MCF2: variants seen among roughly 807,000 people sequenced by gnomAD.
MCF2 encodes the protein proto-oncogene DBL.
MCF2 carries 44 observed loss-of-function variants against 82.5 expected under a neutral mutation model. That is an observed-to-expected ratio of 0.53 (90% CI 0.42 to 0.69). The LOEUF is 0.69. Among genes scored for constraint, MCF2 ranks in the 30% least tolerant of loss-of-function variants. The probability of loss-of-function intolerance (pLI) is 0.00; values close to 1 mark genes in which losing one functional copy is unlikely to be tolerated. For synonymous variants in MCF2, 217 were observed against 224.9 expected, an observed-to-expected ratio of 0.96 and a Z score of 0.32; for missense variants, 623 against 663.1, an observed-to-expected ratio of 0.94 and a Z score of 0.66.
chrX:139,594,756 C>T (rs1160207389), intron 19 of MCF2, among the ~76,000 whole-genome samples: 1 of 109,180 alleles, frequency 9.2e-6, no homozygotes, highest in East Asian at 2.9e-4. Flanking sequence ...AGCTTCTGCA[C>T]AGCAAAAGAA....
chrX:139,676,758 T>C (rs1443540971), intron 1 of MCF2, among the ~76,000 whole-genome samples: 1 of 112,147 alleles, frequency 8.9e-6, no homozygotes, highest in Non-Finnish European at 1.9e-5. Flanking sequence ...GCCATTGTTA[T>C]AAAGAAAAAA....
intron 21 of MCF2, 29 bp from the exon 26 acceptor site, chrX:139,587,817 T>C: frequency 1.0e-6 from 1 of 982,408 alleles, no homozygotes; most frequent in East Asian, 3.1e-5. Flanking sequence ...CATATTATCA[T>C]TCAGAAGTCA....
At chrX:139,653,759 T>C (rs1192886575) in intron 1 of MCF2, among the ~76,000 whole-genome samples, 1 of 111,333 alleles carries the variant, frequency 9.0e-6, no homozygotes, top group African/African-American at 3.3e-5. Flanking sequence ...TCAGTGGTAA[T>C]AAATATATTT....
intron 1 of MCF2, among the ~76,000 whole-genome samples, chrX:139,654,741 C>CCCAACATT (rs1282600877): frequency 9.0e-6 from 1 of 111,003 alleles, no homozygotes; most frequent in Non-Finnish European, 1.9e-5. Flanking sequence ...GGAAAGTTTC[C>CCCAACATT]CCAACATTTT....
chrX:139,638,524 C>T (rs754234508), intron 1 of MCF2, among the ~76,000 whole-genome samples: 1 of 111,568 alleles, frequency 9.0e-6, no homozygotes, highest in Non-Finnish European at 1.9e-5. Context: ...GCAGAGGGCA[C>T]TCATAAGTCA....
intron 6 of MCF2, among the ~76,000 whole-genome samples, chrX:139,623,568 C>G (rs1218987502): frequency 9.0e-6 from 1 of 111,214 alleles, no homozygotes; most frequent in African/African-American, 3.3e-5. Flanking sequence ...ATGCTGGAGA[C>G]TACCAAAAGG....
At chrX:139,677,136 G>A (rs192115359) in intron 1 of MCF2, among the ~76,000 whole-genome samples, 91 of 111,556 alleles carry the variant, frequency 8.2e-4, no homozygotes, top group African/African-American at 2.5e-3. Context: ...GACTGGTAAG[G>A]GAAGAATGCC....
chrX:139,646,768 A>C, upstream of MCF2: 1 of 889,388 alleles, frequency 1.1e-6, no homozygotes. Context: ...GAATTGAAAA[A>C]AATGTAATGA....
intron 24 of MCF2, among the ~76,000 whole-genome samples, chrX:139,584,809 G>T (rs1336613132): frequency 9.0e-6 from 1 of 111,666 alleles, no homozygotes; most frequent in African/African-American, 3.3e-5. Flanking sequence ...AGATAAAACT[G>T]GGATTTTAGA....
At chrX:139,619,522 C>T (rs1932174421) in intron 7 of MCF2, 65 bp downstream of exon 10, 1 of 846,408 alleles carries the variant, frequency 1.2e-6, no homozygotes, top group Non-Finnish European at 1.6e-6. Context: ...TTTATACTAC[C>T]TACTCCCGCC....
At position 139,607,528 on chromosome X, in the gene MCF2, C is replaced by T. The variant is rs772928677; in HGVS notation, c.1490+163G>A. ...AGTTTAGTTAATTTTCTTCAAATCA[C>T]ATAAATAGGCTATAGGTTGGCCAGG... On this transcript the variant is annotated intron_variant, in intron 12 of 24. Coordinates refer to ENST00000370576, the Ensembl canonical transcript of MCF2. 393 of 295,036 alleles carry T rather than the reference C, an allele frequency of 1.3e-3. 4 individuals are homozygous for T. The East Asian group carries it at 0.02, about 15-fold the overall frequency. The allele number at this position is 295,036 out of a possible 1,213,427, so 24.3% of individuals were successfully genotyped here.
At chrX:139,584,003 C>T (rs374078560) in intron 24 of MCF2, among the ~76,000 whole-genome samples, 33 of 110,490 alleles carry the variant, frequency 3.0e-4, no homozygotes, top group Admixed American at 6.8e-4. Flanking sequence ...ATTTGGGAAA[C>T]GGTAAACTAT....
At chrX:139,651,042 A>C (rs982975377) in intron 2 of MCF2, among the ~76,000 whole-genome samples, 2 of 110,611 alleles carry the variant, frequency 1.8e-5, no homozygotes, top group African/African-American at 6.7e-5. Flanking sequence ...AAGGAATGAA[A>C]CGGGGAGTAA....
At chrX:139,597,338 C>G in intron 18 of MCF2, 122 bp downstream of exon 22, 2 of 555,402 alleles carry the variant, frequency 3.6e-6, no homozygotes, top group Non-Finnish European at 6.1e-6. Context: ...GTAGTAACAT[C>G]AACATTTTGA....
intron 16 of MCF2, among the ~76,000 whole-genome samples, chrX:139,601,572 TG>T (rs1930556487): frequency 1.8e-5 from 2 of 111,677 alleles, no homozygotes; most frequent in Non-Finnish European, 3.8e-5. Context: ...TTTTATGTAC[TG>T]TGTACACTTT....
intron 1 of MCF2, among the ~76,000 whole-genome samples, chrX:139,689,883 T>C (rs1010806767): frequency 9.0e-6 from 1 of 111,615 alleles, no homozygotes; most frequent in African/African-American, 3.3e-5. Context: ...TGTAGTATAA[T>C]TTCTGGGCCT....
chrX:139,695,277 G>A (rs369704222), intron 1 of MCF2, among the ~76,000 whole-genome samples: 18 of 111,305 alleles, frequency 1.6e-4, no homozygotes, highest in African/African-American at 5.5e-4. Flanking sequence ...TGATCTGCCC[G>A]CCTCGGCCTC....
chrX:139,602,214 G>A (rs1930608149), intron 16 of MCF2, among the ~76,000 whole-genome samples, 192 bp downstream of exon 20: 1 of 110,958 alleles, frequency 9.0e-6, no homozygotes, highest in South Asian at 3.9e-4. Flanking sequence ...GTAGCTAAAA[G>A]TGCTGAAAGT....
At chrX:139,643,549 T>G (rs1282206277), upstream of MCF2, among the ~76,000 whole-genome samples, 2 of 111,372 alleles carry the variant, frequency 1.8e-5, no homozygotes, top group Non-Finnish European at 3.8e-5. Context: ...AAACAACCTA[T>G]AGCCAGTTAC....
Sources: gnomAD v4.1 joint callset for allele counts (sites outside exome capture counted in the v4.1 genomes callset) on GRCh38, gnomAD v4.1.1 for gene constraint, MANE v1.5 for transcripts, NCBI Gene and HGNC (gene_info 2026-07-23, HGNC 2026-07-21) for gene names.